The following ARHGAP15 variants were observed in gnomAD, a reference collection of about 807,000 sequenced individuals.
ARHGAP15 encodes Rho GTPase activating protein 15.
Under a neutral mutation model 63.7 loss-of-function variants are expected in ARHGAP15, and 51 were observed. That is an observed-to-expected ratio of 0.80 (90% CI 0.64 to 1.01). The LOEUF (loss-of-function observed/expected upper bound fraction) is 1.01. ARHGAP15 is among the 50% of genes least tolerant of loss of function. ARHGAP15 has a pLI of 0.00. For missense variants in ARHGAP15, 560 were observed against 564.6 expected, an observed-to-expected ratio of 0.99 and a Z score of 0.08; for synonymous variants, 191 against 193.8, an observed-to-expected ratio of 0.99 and a Z score of 0.12.
intron 2 of ARHGAP15, among the ~76,000 whole-genome samples, chr2:143,197,417 G>T (rs6744232): frequency 0.17 from 25,667 of 151,812 alleles, 2,358 homozygotes; most frequent in Middle Eastern, 0.24. Flanking sequence ...AACATTTTCT[G>T]TTATTTATAC....
At chr2:143,518,092 A>G (rs1693899109) in intron 9 of ARHGAP15, among the ~76,000 whole-genome samples, 1 of 152,236 alleles carries the variant, frequency 6.6e-6, no homozygotes, top group Non-Finnish European at 1.5e-5. Flanking sequence ...CCAGAAATTG[A>G]TGGTGGTGAG....
intron 9 of ARHGAP15, among the ~76,000 whole-genome samples, chr2:143,497,903 G>A (rs1318496621): frequency 1.3e-5 from 2 of 152,180 alleles, no homozygotes. Flanking sequence ...TGGTGTGTAT[G>A]TTGAGTGTGT....
chr2:143,234,872 A>G (rs1693582231), intron 5 of ARHGAP15, among the ~76,000 whole-genome samples: 2 of 152,276 alleles, frequency 1.3e-5, no homozygotes, highest in East Asian at 3.9e-4. Flanking sequence ...CCCACCCCTA[A>G]AAAATATTTA....
intron 6 of ARHGAP15, among the ~76,000 whole-genome samples, chr2:143,260,021 A>T (rs893507872): frequency 4.6e-5 from 7 of 152,144 alleles, no homozygotes; most frequent in African/African-American, 7.2e-5. Flanking sequence ...CAGTCACTGA[A>T]TTTGACTTTA....
chr2:143,468,606 G>T (rs1691354297), intron 8 of ARHGAP15, among the ~76,000 whole-genome samples: 1 of 151,274 alleles, frequency 6.6e-6, no homozygotes, highest in Admixed American at 6.6e-5. Flanking sequence ...AACTCACCTA[G>T]CCCATAGGTT....
intron 12 of ARHGAP15, among the ~76,000 whole-genome samples, chr2:143,659,611 T>C (rs1334728695): frequency 6.6e-6 from 1 of 152,166 alleles, no homozygotes; most frequent in African/African-American, 2.4e-5. Flanking sequence ...AAGGAGGACA[T>C]TCTCTAGCAG....
Position 143,768,060 on chromosome 2 carries a change from T to A in ARHGAP15, c.1316T>A (p.Leu439Gln). 6.8e-6 allele frequency: 11 copies of A among 1,613,792 alleles called. No homozygotes were observed. The highest frequency in any genetic ancestry group is 9.3e-6 in the Non-Finnish European group (11 of 1,179,780). ...GGGATTGTATTTGGACCTACCCTTC[T>A]GCGAGCTGAAAATGAAACAGGAAAC... ...SLGIVFGPTL[L>Q]RAENETGNMA... Residue 439 changes from leucine to glutamine, a missense_variant, in exon 14 of 14, where the codon CTG becomes CAG. Leu to Gln is a moderately radical substitution (Grantham distance 113, BLOSUM62 -2). Coordinates refer to ENST00000295095, the MANE Select transcript of ARHGAP15 (RefSeq NM_018460.4).
At chr2:143,433,122 A>G (rs1372172557) in intron 6 of ARHGAP15, among the ~76,000 whole-genome samples, 4 of 152,040 alleles carry the variant, frequency 2.6e-5, no homozygotes, top group African/African-American at 9.7e-5. Flanking sequence ...TGGAAATTCG[A>G]TTGTTCAAAG....
intron 11 of ARHGAP15, among the ~76,000 whole-genome samples, chr2:143,577,796 A>G (rs1696731622): frequency 6.6e-6 from 1 of 152,176 alleles, no homozygotes; most frequent in Non-Finnish European, 1.5e-5. Flanking sequence ...ATGGAGGTAG[A>G]GGGAGATTCC....
In ARHGAP15 at chr2:143,205,052, G is replaced by C. The variant is rs184911682; in HGVS notation, c.234+2850G>C. Among the ~76,000 whole-genome samples the C allele has an allele frequency of 3.4e-4, 51 of 151,706 alleles. 1 individual carries two copies. Among genetic ancestry groups the C allele is most frequent in the African/African-American group, 1.2e-3 (51 of 41,418 alleles). ...CTGAGGAGGGGGCTCACTTTAGGTT[G>C]GGAGTTCAAGACCAGCCTGGCCAAC... is the stretch of plus-strand genomic sequence containing the variant. On this transcript the variant is annotated intron_variant, in intron 3 of 13. Coordinates refer to ENST00000295095, the MANE Select transcript of ARHGAP15 (RefSeq NM_018460.4).
At chr2:143,252,107 G>A (rs1462591501) in intron 6 of ARHGAP15, among the ~76,000 whole-genome samples, 2 of 151,972 alleles carry the variant, frequency 1.3e-5, no homozygotes, top group Non-Finnish European at 2.9e-5. Flanking sequence ...ATTATTCTTG[G>A]ACAATAGCAA....
In ARHGAP15 at chr2:143,322,675, C is replaced by T. The variant is rs72993784; in HGVS notation, c.474+72075C>T. Among the ~76,000 whole-genome samples the T allele has an allele frequency of 7.8e-3, 1,181 of 152,214 alleles. 15 individuals carry two copies. The highest frequency in any genetic ancestry group is 0.025 in the African/African-American group (1,032 of 41,530). On this transcript the variant is annotated intron_variant, in intron 6 of 13. Coordinates refer to ENST00000295095, the MANE Select transcript of ARHGAP15 (RefSeq NM_018460.4). ...GGGAAAAACCAAAAGTCAGCATTAC[C>T]GTGGATAGAATGACCTCAGGATCTA...
In ARHGAP15 at chr2:143,767,715, T is replaced by C. The variant is rs192533213; in HGVS notation, c.1245-274T>C. 1.9e-3 allele frequency among the ~76,000 whole-genome samples: 285 copies of C among 152,284 alleles called. 1 individual carries two copies. Among genetic ancestry groups the C allele is most frequent in the African/African-American group, 6.5e-3 (269 of 41,554 alleles). ...ATCTTATTAATTTCACAGTCATTTT[T>C]GCTGTTTAATATACTCATTCATTTC... On this transcript the variant is annotated intron_variant, in intron 13 of 13. Transcript: ENST00000295095.
At position 143,282,393 on chromosome 2, in the gene ARHGAP15, G is replaced by A. The variant is rs542105676; in HGVS notation, c.474+31793G>A. Among the ~76,000 whole-genome samples, 10 of 152,166 alleles carry A rather than the reference G, an allele frequency of 6.6e-5. No individual in the cohort carries two copies. In the South Asian group the frequency reaches 1.7e-3, roughly 25 times the overall value. On this transcript the variant is annotated intron_variant, in intron 6 of 13. Coordinates refer to ENST00000295095, the MANE Select transcript of ARHGAP15 (RefSeq NM_018460.4). The stretch of plus-strand genomic sequence containing the variant: ...GTTTAATAGACTTACAGTTCCACAC[G>A]GCTGGGGAGGCCTCACAATCATGGC...
At chr2:143,463,992 C>G (rs1336174304) in intron 8 of ARHGAP15, among the ~76,000 whole-genome samples, 1 of 152,200 alleles carries the variant, frequency 6.6e-6, no homozygotes, top group Non-Finnish European at 1.5e-5. Context: ...AACATTCACA[C>G]CCTCCATTCT....
At position 143,673,748 on chromosome 2, in the gene ARHGAP15, G is replaced by GTA. The variant is rs869099523; in HGVS notation, c.1139-29670_1139-29669insAT. ...TGTGTGTGTGTGTGTGTGTGTGTGT[G>GTA]TGTGTGTGTGTATATATATATATAT... On this transcript the variant is annotated intron_variant, in intron 12 of 13. Coordinates refer to ENST00000295095, the MANE Select transcript of ARHGAP15 (RefSeq NM_018460.4). Among the ~76,000 whole-genome samples the GTA allele has an allele frequency of 5.9e-4, 20 of 34,150 alleles. 1 individual carries two copies. The highest frequency in any genetic ancestry group is 1.3e-3 in the Non-Finnish European group (16 of 12,684). 22.4% of individuals were successfully genotyped at this position (34,150 alleles called of 152,430 possible). A position where few individuals can be genotyped will look rare whatever the true frequency, so the allele number is the denominator to read the frequency against.
intron 13 of ARHGAP15, among the ~76,000 whole-genome samples, chr2:143,763,651 CAT>C (rs898203028): frequency 4.7e-4 from 70 of 148,932 alleles, no homozygotes; most frequent in African/African-American, 1.3e-3. Flanking sequence ...ATGCAAATTG[CAT>C]ATATATAAAT....
intron 10 of ARHGAP15, among the ~76,000 whole-genome samples, chr2:143,541,756 A>G (rs1167259086): frequency 3.3e-5 from 5 of 152,096 alleles, no homozygotes; most frequent in Admixed American, 3.3e-4. Flanking sequence ...TCAGAGGAGT[A>G]CCCGGCCGTG....
intron 1 of ARHGAP15, among the ~76,000 whole-genome samples, chr2:143,138,540 G>C (rs776109616): frequency 1.3e-5 from 2 of 152,100 alleles, no homozygotes; most frequent in Non-Finnish European, 2.9e-5. Context: ...TGCAAATATT[G>C]CCTATGCAGA....
Sources: allele counts gnomAD v4.1 joint callset (sites outside exome capture counted in the v4.1 genomes callset), GRCh38; gene constraint gnomAD v4.1.1; transcripts MANE v1.5; gene names NCBI Gene and HGNC (gene_info 2026-07-23, HGNC 2026-07-21).